Variants in CMSS1 observed in about 807,000 individuals in gnomAD.
CMSS1 encodes cms1 ribosomal small subunit homolog.
In CMSS1, 33 loss-of-function variants were observed where a neutral mutation model predicts 43.5. The observed-to-expected ratio is 0.76, with a 90% confidence interval of 0.57 to 1.01. The LOEUF (loss-of-function observed/expected upper bound fraction) is 1.01, where lower values mean the gene tolerates loss of function less well. Among genes scored for constraint, CMSS1 ranks in the 50% least tolerant of loss-of-function variants. The pLI is 0.00. For missense variants in CMSS1, 313 were observed against 326.4 expected (o/e 0.96, Z 0.32); for synonymous variants, 115 against 117.2 (o/e 0.98, Z 0.12).
intron 1 of CMSS1, among the ~76,000 whole-genome samples, chr3:99,825,526 G>T (rs1013724907): frequency 1.3e-5 from 2 of 152,122 alleles, no homozygotes; most frequent in Admixed American, 6.5e-5. Flanking sequence ...AATTTCCACA[G>T]TTCTTTCAGA....
chr3:99,847,671 A>G (rs1006064845), intron 1 of CMSS1, among the ~76,000 whole-genome samples: 1 of 152,198 alleles, frequency 6.6e-6, no homozygotes, highest in African/African-American at 2.4e-5. Flanking sequence ...AGATACTGAA[A>G]TATATCCCAA....
At chr3:100,091,573 G>A (rs1238448408) in intron 1 of CMSS1, among the ~76,000 whole-genome samples, 2 of 152,174 alleles carry the variant, frequency 1.3e-5, no homozygotes, top group African/African-American at 4.8e-5. Context: ...CAAAAGTGTA[G>A]CCATGTTCTA....
At chr3:100,056,251 C>T (rs2065462165) in intron 1 of CMSS1, among the ~76,000 whole-genome samples, 1 of 152,204 alleles carries the variant, frequency 6.6e-6, no homozygotes, top group African/African-American at 2.4e-5. Flanking sequence ...TGACTCTCAG[C>T]TCTGGGATTT....
chr3:100,090,481 G>A lies in CMSS1; in HGVS notation c.65-56492G>A, dbSNP rs2067973085. Reference sequence around the variant, plus strand: ...TCCACCTCTGATTTTCTGAGTCATAGTCTTTGAGAGCAAAACCAGGCGACA... The same window carrying A: ...TCCACCTCTGATTTTCTGAGTCATAATCTTTGAGAGCAAAACCAGGCGACA... On this transcript the variant is annotated intron_variant, in intron 1 of 9. Coordinates refer to ENST00000421999, the MANE Select transcript of CMSS1 (RefSeq NM_032359.4). Among the ~76,000 whole-genome samples the A allele has an allele frequency of 2.0e-5, 3 of 152,162 alleles. No individual in the cohort carries two copies. The South Asian group carries it at 6.2e-4, about 32-fold the overall frequency.
chr3:100,102,380 T>C (rs2066325058), intron 1 of CMSS1, among the ~76,000 whole-genome samples: 1 of 152,218 alleles, frequency 6.6e-6, no homozygotes, highest in Non-Finnish European at 1.5e-5. Flanking sequence ...AGAGGATAAC[T>C]AAATATCCTT....
chr3:99,853,291 G>A (rs183708329), intron 1 of CMSS1, among the ~76,000 whole-genome samples: 166 of 152,318 alleles, frequency 1.1e-3, no homozygotes, highest in African/African-American at 3.8e-3. Flanking sequence ...CATAATTACA[G>A]TGAAATATTT....
At chr3:99,849,864 T>C (rs1218236902) in intron 1 of CMSS1, 1 of 1,611,144 alleles carries the variant, frequency 6.2e-7, no homozygotes, top group Admixed American at 1.7e-5. Flanking sequence ...TTAATTTGTT[T>C]TTTAGGAAAT....
intron 1 of CMSS1, among the ~76,000 whole-genome samples, chr3:100,032,310 G>A (rs888964213): frequency 2.0e-5 from 3 of 152,174 alleles, no homozygotes; most frequent in Non-Finnish European, 2.9e-5. Flanking sequence ...TTCCAGATTG[G>A]TTATTTTGAT....
chr3:100,065,208 T>A (rs1459463554), intron 1 of CMSS1, among the ~76,000 whole-genome samples: 1 of 152,162 alleles, frequency 6.6e-6, no homozygotes, highest in Non-Finnish European at 1.5e-5. Flanking sequence ...TGAATCTGAA[T>A]CTCTGGGAGT....
At chr3:100,159,844 CAG>C in intron 2 of CMSS1, 1 of 455,984 alleles carries the variant, frequency 2.2e-6, no homozygotes, top group Non-Finnish European at 4.4e-6. Context: ...AGACGGTTAT[CAG>C]ACTAGTAGCA....
chr3:100,021,270 A>G (rs2064812480), intron 1 of CMSS1, among the ~76,000 whole-genome samples: 1 of 152,150 alleles, frequency 6.6e-6, no homozygotes, highest in Non-Finnish European at 1.5e-5. Flanking sequence ...CTCTCCTTAT[A>G]TATAATAAGT....
At chr3:99,954,956 C>G (rs143730194) in intron 1 of CMSS1, among the ~76,000 whole-genome samples, 32 of 152,318 alleles carry the variant, frequency 2.1e-4, no homozygotes, top group African/African-American at 7.7e-4. Context: ...AAGGCAAAAT[C>G]ACTTTGAATA....
chr3:100,020,282 C>T (rs960344119), intron 1 of CMSS1, among the ~76,000 whole-genome samples: 1 of 152,146 alleles, frequency 6.6e-6, no homozygotes, highest in Non-Finnish European at 1.5e-5. Flanking sequence ...TGCAGATTTT[C>T]TAAAAGCTGT....
intron 1 of CMSS1, chr3:99,848,640 G>T (rs771880511): frequency 1.2e-6 from 2 of 1,614,030 alleles, no homozygotes; most frequent in Admixed American, 3.3e-5. Context: ...GCTCAGGAGA[G>T]CTAGCTGAAC....
At chr3:100,050,502 CTG>C (rs1169808331) in intron 1 of CMSS1, among the ~76,000 whole-genome samples, 5 of 152,250 alleles carry the variant, frequency 3.3e-5, no homozygotes, top group African/African-American at 7.2e-5. Flanking sequence ...AGAGGCATCT[CTG>C]TAAATTCCCA....
chr3:100,050,228 A>C (rs1406304151), intron 1 of CMSS1, among the ~76,000 whole-genome samples: 1 of 152,190 alleles, frequency 6.6e-6, no homozygotes, highest in Admixed American at 6.5e-5. Flanking sequence ...CTTCTTAAAA[A>C]TATGACACTG....
At chr3:100,060,448 G>A (rs192174477) in intron 1 of CMSS1, among the ~76,000 whole-genome samples, 54 of 151,654 alleles carry the variant, frequency 3.6e-4, no homozygotes, top group African/African-American at 1.2e-3. Context: ...TGCCCTAAAC[G>A]AAAACAAGAA....
chr3:99,992,242 C>T (rs181590843), intron 1 of CMSS1, among the ~76,000 whole-genome samples: 4 of 152,136 alleles, frequency 2.6e-5, no homozygotes, highest in African/African-American at 4.8e-5. Context: ...TGAGAAACCT[C>T]CACACTGTTT....
At chr3:100,109,129 A>G (rs1445016758) in intron 1 of CMSS1, among the ~76,000 whole-genome samples, 4 of 150,514 alleles carry the variant, frequency 2.7e-5, no homozygotes, top group Non-Finnish European at 5.9e-5. Flanking sequence ...TAACTTTCTC[A>G]GGCCTCAATT....
Sources: gnomAD v4.1 joint callset for allele counts (sites outside exome capture counted in the v4.1 genomes callset) on GRCh38, gnomAD v4.1.1 for gene constraint, MANE v1.5 for transcripts, NCBI Gene and HGNC (gene_info 2026-07-23, HGNC 2026-07-21) for gene names.